EIF4E3: variants seen among roughly 807,000 people sequenced by gnomAD.
The protein encoded by EIF4E3 is eukaryotic translation initiation factor 4E family member 3.
EIF4E3 carries 26 observed loss-of-function variants against 31.7 expected under a neutral mutation model. The ratio of observed to expected loss-of-function variants is 0.82; its 90% CI spans 0.60 to 1.14. The LOEUF (loss-of-function observed/expected upper bound fraction) is 1.14. EIF4E3 is among the 50% of genes most tolerant of loss of function. The probability of loss-of-function intolerance (pLI) is 0.00; values close to 1 mark genes in which losing one functional copy is unlikely to be tolerated. For synonymous variants in EIF4E3, 128 were observed against 107.7 expected (o/e 1.19, Z -1.17); for missense variants, 304 against 270.9 (o/e 1.12, Z -0.86).
chr3:71,732,388 A>T (rs926423858), intron 1 of EIF4E3, among the ~76,000 whole-genome samples: 17 of 150,872 alleles, frequency 1.1e-4, no homozygotes, highest in Admixed American at 6.6e-5. Flanking sequence ...TTTAAAAAAA[A>T]ATCTCTTCCC....
At chr3:71,737,027 A>C (rs979749932) in intron 1 of EIF4E3, among the ~76,000 whole-genome samples, 1 of 152,260 alleles carries the variant, frequency 6.6e-6, no homozygotes, top group Non-Finnish European at 1.5e-5. Flanking sequence ...CCATTTTGTG[A>C]ATCCTTAACT....
upstream of EIF4E3, among the ~76,000 whole-genome samples, chr3:71,729,797 AATGT>A: frequency 1.9e-5 from 1 of 52,256 alleles, no homozygotes; most frequent in East Asian, 1.5e-3. Flanking sequence ...ATTCCAATAG[AATGT>A]GTGTGTGTGT....
intron 1 of EIF4E3, among the ~76,000 whole-genome samples, chr3:71,715,641 G>A (rs755313797): frequency 8.5e-5 from 13 of 152,096 alleles, no homozygotes; most frequent in South Asian, 2.1e-4. Context: ...GCCCTCCCAC[G>A]GTATACAGCT....
At chr3:71,708,738 C>G (rs1432582898) in intron 2 of EIF4E3, among the ~76,000 whole-genome samples, 1 of 152,134 alleles carries the variant, frequency 6.6e-6, no homozygotes, top group Non-Finnish European at 1.5e-5. Flanking sequence ...AAATCAAGTG[C>G]TCTGAGGATT....
intron 1 of EIF4E3, among the ~76,000 whole-genome samples, chr3:71,738,215 C>G (rs936539707): frequency 6.6e-6 from 1 of 152,118 alleles, no homozygotes; most frequent in Non-Finnish European, 1.5e-5. Context: ...TTTCTCTAGC[C>G]AAAGGAGCAG....
chr3:71,747,214 CA>C (rs1215109634), intron 1 of EIF4E3, among the ~76,000 whole-genome samples: 1 of 152,114 alleles, frequency 6.6e-6, no homozygotes, highest in Non-Finnish European at 1.5e-5. Flanking sequence ...AATCATTTTC[CA>C]AACCAGCTGT....
intron 1 of EIF4E3, among the ~76,000 whole-genome samples, chr3:71,720,335 A>G (rs1344490477): frequency 6.6e-6 from 1 of 152,020 alleles, no homozygotes; most frequent in Non-Finnish European, 1.5e-5. Context: ...AGCTGGGACT[A>G]CAGGCTCTTG....
At chr3:71,743,673 G>C (rs2049843099) in intron 1 of EIF4E3, among the ~76,000 whole-genome samples, 1 of 152,056 alleles carries the variant, frequency 6.6e-6, no homozygotes, top group South Asian at 2.1e-4. Flanking sequence ...ACTAGAAAAA[G>C]AAGAACAATT....
At chr3:71,664,993 T>A in the EIF4E3 span, among the ~76,000 whole-genome samples, 17 of 152,360 alleles carry the variant, frequency 1.1e-4, no homozygotes, top group Middle Eastern at 3.4e-3. Flanking sequence ...CTGAAGCCAC[T>A]ACTCCACAAC....
upstream of EIF4E3, chr3:71,753,910 G>A (rs1255869479): frequency 3.1e-6 from 3 of 964,546 alleles, no homozygotes; most frequent in East Asian, 3.2e-4. Flanking sequence ...AGGAGGGGCC[G>A]GCCGGGAGCG....
At chr3:71,713,920 G>A (rs575007187) in intron 1 of EIF4E3, among the ~76,000 whole-genome samples, 27 of 152,150 alleles carry the variant, frequency 1.8e-4, no homozygotes, top group African/African-American at 6.0e-4. Context: ...GGATTTTAAA[G>A]GAGATATGGG....
intron 2 of EIF4E3, among the ~76,000 whole-genome samples, chr3:71,707,979 G>T (rs1037927505): frequency 2.0e-5 from 3 of 150,462 alleles, no homozygotes; most frequent in Non-Finnish European, 4.4e-5. Context: ...TCCACTTCCC[G>T]GGTTAAAGCA....
the EIF4E3 span, among the ~76,000 whole-genome samples, chr3:71,665,786 T>C: frequency 6.6e-6 from 1 of 152,152 alleles, no homozygotes; most frequent in Non-Finnish European, 1.5e-5. Flanking sequence ...GATCTCAGGA[T>C]TAAGAAACTC....
chr3:71,670,055 T>C, the EIF4E3 span, among the ~76,000 whole-genome samples: 4 of 152,204 alleles, frequency 2.6e-5, no homozygotes, highest in African/African-American at 9.6e-5. Context: ...TTCTGCCTTA[T>C]CGTGTGAAGA....
At chr3:71,734,304 A>G (rs1336101457) in intron 1 of EIF4E3, among the ~76,000 whole-genome samples, 1 of 152,196 alleles carries the variant, frequency 6.6e-6, no homozygotes, top group East Asian at 1.9e-4. Flanking sequence ...TGATGTCACA[A>G]ATATATACTG....
chr3:71,686,334 G>T lies in EIF4E3; in HGVS notation c.629-1606C>A, dbSNP rs375747806. 9.2e-5 allele frequency among the ~76,000 whole-genome samples: 14 copies of T among 152,152 alleles called. No homozygotes were observed. The South Asian group carries it at 2.9e-3, about 32-fold the overall frequency. ...CTAAATTCTTCAGACTATTGCTGAG[G>T]GGGTGGATGGAACGGGCCTATTTTC... On this transcript the variant is annotated intron_variant, in intron 6 of 6. Coordinates refer to ENST00000425534, the MANE Select transcript of EIF4E3 (RefSeq NM_001134651.2).
At chr3:71,716,492 C>T (rs1458994116) in intron 1 of EIF4E3, among the ~76,000 whole-genome samples, 1 of 152,226 alleles carries the variant, frequency 6.6e-6, no homozygotes, top group Non-Finnish European at 1.5e-5. Flanking sequence ...CTCAGCCTCC[C>T]AAAGTGCTGG....
chr3:71,661,094 T>C, the EIF4E3 span, among the ~76,000 whole-genome samples: 1 of 152,168 alleles, frequency 6.6e-6, no homozygotes, highest in South Asian at 2.1e-4. Context: ...GAGATTCTCA[T>C]AAATACTTTT....
intron 6 of EIF4E3, among the ~76,000 whole-genome samples, chr3:71,689,663 G>A (rs2049036548): frequency 6.6e-6 from 1 of 152,068 alleles, no homozygotes; most frequent in Admixed American, 6.5e-5. Flanking sequence ...CTACCTGCCA[G>A]TTCATATAAT....
Sources: gnomAD v4.1 joint callset for allele counts (sites outside exome capture counted in the v4.1 genomes callset) on GRCh38, gnomAD v4.1.1 for gene constraint, MANE v1.5 for transcripts, NCBI Gene and HGNC (gene_info 2026-07-23, HGNC 2026-07-21) for gene names.